The following PRMT8 variants were observed in gnomAD, a reference collection of about 807,000 sequenced individuals.
PRMT8 encodes the protein protein arginine methyltransferase 8, also known as protein arginine N-methyltransferase 8.
In PRMT8, 7 loss-of-function variants were observed where a neutral mutation model predicts 47.1. The observed-to-expected ratio is 0.15, with a 90% CI of 0.08 to 0.28. PRMT8 has a LOEUF of 0.28. Among genes scored for constraint, PRMT8 ranks in the 10% least tolerant of loss-of-function variants. The pLI, the probability that PRMT8 is intolerant of heterozygous loss-of-function variation, is 1.00. For synonymous variants in PRMT8, 188 were observed against 186.5 expected, an observed-to-expected ratio of 1.01 and a Z score of -0.07; for missense variants, 237 against 505.4, an observed-to-expected ratio of 0.47 and a Z score of 5.09.
chr12:3,485,973 T>G (rs900683336), intron 1 of PRMT8, among the ~76,000 whole-genome samples: 1 of 152,030 alleles, frequency 6.6e-6, no homozygotes, highest in African/African-American at 2.4e-5. Context: ...CTCCACTCAT[T>G]ATGCGTTTTC....
chr12:3,562,373 C>T (rs547753654), intron 4 of PRMT8, among the ~76,000 whole-genome samples: 28 of 151,826 alleles, frequency 1.8e-4, no homozygotes, highest in Non-Finnish European at 2.9e-4. Flanking sequence ...GGTCCTGTGT[C>T]GGGCATAGGG....
intron 1 of PRMT8, among the ~76,000 whole-genome samples, chr12:3,438,568 A>G (rs1864768879): frequency 6.6e-6 from 1 of 152,112 alleles, no homozygotes; most frequent in Non-Finnish European, 1.5e-5. Context: ...TGTTTCTCCC[A>G]CGAGGCCTCA....
intron 1 of PRMT8, among the ~76,000 whole-genome samples, chr12:3,525,719 G>A (rs1865942151): frequency 6.6e-6 from 1 of 152,128 alleles, no homozygotes; most frequent in Non-Finnish European, 1.5e-5. Flanking sequence ...AGAAATGATA[G>A]AAAGGGAAAG....
At chr12:3,532,611 CAAAAAAAAAAAAAAAAAAA>C (rs35698030) in intron 1 of PRMT8, among the ~76,000 whole-genome samples, 1 of 24,642 alleles carries the variant, frequency 4.1e-5, no homozygotes, top group Non-Finnish European at 7.1e-5. Flanking sequence ...GACTCCGTCT[CAAAAAAAAAAAAAAAAAAA>C]AAAAAAAAAA....
At chr12:3,548,361 T>TA (rs1361261752) in intron 2 of PRMT8, among the ~76,000 whole-genome samples, 1 of 151,496 alleles carries the variant, frequency 6.6e-6, no homozygotes. Context: ...AAAACTGCTT[T>TA]AAAAAAAGAA....
At chr12:3,444,982 GGTGATGGGGAAGGGAGGGCTTT>G (rs374740072) in intron 1 of PRMT8, among the ~76,000 whole-genome samples, 27 of 152,270 alleles carry the variant, frequency 1.8e-4, no homozygotes, top group African/African-American at 6.0e-4. Flanking sequence ...GAAGGTTAGG[GGTGATGGGGAAGGGAGGGCTTT>G]GTGCCAGAGA....
intron 1 of PRMT8, among the ~76,000 whole-genome samples, chr12:3,524,742 C>T (rs992295427): frequency 3.3e-5 from 5 of 150,846 alleles, no homozygotes; most frequent in South Asian, 2.1e-4. Flanking sequence ...TATAAGGAAA[C>T]GGGAGAGGGA....
chr12:3,420,837 C>A (rs570557940), intron 1 of PRMT8, among the ~76,000 whole-genome samples: 262 of 152,320 alleles, frequency 1.7e-3, no homozygotes, highest in Admixed American at 2.5e-3. Flanking sequence ...CTCAAATACT[C>A]ACCTACTCAC....
chr12:3,388,197 C>G (rs189970834), intron 1 of PRMT8, among the ~76,000 whole-genome samples: 1 of 152,110 alleles, frequency 6.6e-6, no homozygotes, highest in Non-Finnish European at 1.5e-5. Flanking sequence ...CCCTCAACCC[C>G]GTTTCATGAC....
At chr12:3,421,430 G>C (rs1458638694) in intron 1 of PRMT8, among the ~76,000 whole-genome samples, 1 of 152,152 alleles carries the variant, frequency 6.6e-6, no homozygotes, top group African/African-American at 2.4e-5. Flanking sequence ...GGGGTGGGGT[G>C]GTGGATCCAG....
In PRMT8 at chr12:3,538,726, C is replaced by G. The variant is rs746290262; in HGVS notation, c.76-1880C>G. 9.6e-6 allele frequency: 5 copies of G among 519,058 alleles called. No individual in the cohort carries two copies. The highest frequency in any genetic ancestry group is 1.9e-5 in the Non-Finnish European group (5 of 259,876). The allele number at this position is 519,058 out of a possible 1,614,324, so 32.2% of individuals were successfully genotyped here. On this transcript the variant is annotated intron_variant, in intron 1 of 9. Transcript: ENST00000382622. This position sits in a 1 kb window ranked among gnomAD's most constrained non-coding sequence, Gnocchi z 4.6. ...TTTAGAGGTGATTCTGCAGCCTGCA[C>G]AGGAGTGTGCACTTGACACAGTCTA...
rs182666516 is a variant in PRMT8, at chr12:3,419,386, T to A, written c.48+37944T>A. On this transcript the variant is annotated intron_variant, in intron 1 of 9. Coordinates refer to the PRMT8 transcript ENST00000452611. ...TCTATTGACCAAGGAGAAAGCTGTATCTGACCTATCTGCTTCCAGACCTAC... is the reference window on the plus strand; with the variant it reads ...TCTATTGACCAAGGAGAAAGCTGTAACTGACCTATCTGCTTCCAGACCTAC... 3.2e-3 allele frequency among the ~76,000 whole-genome samples: 484 copies of A among 152,296 alleles called. 6 individuals are homozygous for A. Among genetic ancestry groups the A allele is most frequent in the African/African-American group, 0.011 (464 of 41,562 alleles).
intron 1 of PRMT8, among the ~76,000 whole-genome samples, chr12:3,392,457 C>T (rs73171733): frequency 7.4e-5 from 11 of 148,058 alleles, no homozygotes; most frequent in African/African-American, 2.7e-4. Context: ...TGAGAATATG[C>T]GGTGTTTGGT....
chr12:3,509,352 G>A (rs1032566227), intron 1 of PRMT8, among the ~76,000 whole-genome samples: 3 of 152,126 alleles, frequency 2.0e-5, no homozygotes, highest in East Asian at 1.9e-4. Flanking sequence ...TGTGGATGTC[G>A]CTTCTTCCAA....
intron 1 of PRMT8, among the ~76,000 whole-genome samples, chr12:3,415,479 C>A (rs367887425): frequency 1.3e-5 from 2 of 152,170 alleles, no homozygotes; most frequent in African/African-American, 2.4e-5. Flanking sequence ...GAGTGACCAG[C>A]CCCATCCTGA....
At chr12:3,554,025 T>TTCC (rs773397757) in intron 4 of PRMT8, among the ~76,000 whole-genome samples, 3 of 152,058 alleles carry the variant, frequency 2.0e-5, no homozygotes, top group Non-Finnish European at 2.9e-5. Context: ...AATGGCCACA[T>TTCC]TCCTCCTCCT....
At chr12:3,399,771 A>G (rs985840640) in intron 1 of PRMT8, among the ~76,000 whole-genome samples, 1 of 152,232 alleles carries the variant, frequency 6.6e-6, no homozygotes, top group African/African-American at 2.4e-5. Flanking sequence ...TTGGACAACC[A>G]GTAGAACTTT....
At chr12:3,426,241 G>A (rs547449563) in intron 1 of PRMT8, among the ~76,000 whole-genome samples, 13 of 152,254 alleles carry the variant, frequency 8.5e-5, no homozygotes, top group Non-Finnish European at 1.6e-4. Context: ...TGTGGACAGA[G>A]TATTTGATCC....
intron 1 of PRMT8, among the ~76,000 whole-genome samples, chr12:3,451,608 T>A (rs1864919697): frequency 6.6e-6 from 1 of 152,234 alleles, no homozygotes; most frequent in Admixed American, 6.5e-5. Flanking sequence ...CCATGAGGCA[T>A]ACATGGGTGC....
Sources: allele counts gnomAD v4.1 joint callset (sites outside exome capture counted in the v4.1 genomes callset), GRCh38; gene constraint gnomAD v4.1.1; non-coding constraint Gnocchi (gnomAD v3.1); transcripts MANE v1.5; gene names NCBI Gene and HGNC (gene_info 2026-07-23, HGNC 2026-07-21).